Variants in ZNF454 observed in about 807,000 individuals in gnomAD.
ZNF454 encodes the protein zinc finger protein 454.
A neutral mutation model predicts 48.2 loss-of-function variants in ZNF454; 30 were observed. The ratio of observed to expected loss-of-function variants is 0.62; its 90% CI spans 0.47 to 0.84. The LOEUF (loss-of-function observed/expected upper bound fraction) is 0.84, where lower values mean the gene tolerates loss of function less well. ZNF454 is among the 40% of genes least tolerant of loss of function. The probability of loss-of-function intolerance (pLI) is 0.00; values close to 1 mark genes in which losing one functional copy is unlikely to be tolerated. For missense variants in ZNF454, 510 were observed against 623.1 expected (o/e 0.82, Z 1.93); for synonymous variants, 204 against 211.4 (o/e 0.97, Z 0.30).
At position 178,944,587 on chromosome 5, in the gene ZNF454, G is replaced by A. The variant is rs1401903008; in HGVS notation, c.33+1763G>A. Reference sequence around the variant, plus strand: ...GGCCAAGTCTCTGGGTGCAGGTAACGGAAACCTAATTCAGACTGCCTCAGG... The same window carrying A: ...GGCCAAGTCTCTGGGTGCAGGTAACAGAAACCTAATTCAGACTGCCTCAGG... On this transcript the variant is annotated intron_variant, in intron 2 of 4. Coordinates refer to ENST00000519564, the MANE Select transcript of ZNF454 (RefSeq NM_001178089.3). This position sits in a 1 kb window ranked among gnomAD's most constrained non-coding sequence, Gnocchi z 4.1. Among the ~76,000 whole-genome samples, 1 of 152,196 alleles carries A rather than the reference G, an allele frequency of 6.6e-6. No homozygotes were observed. The highest frequency in any genetic ancestry group is 1.5e-5 in the Non-Finnish European group (1 of 68,044).
chr5:178,954,075 G>A (rs1177492301), intron 4 of ZNF454, among the ~76,000 whole-genome samples: 1 of 152,050 alleles, frequency 6.6e-6, no homozygotes, highest in African/African-American at 2.4e-5. Flanking sequence ...CCTGGCTGAC[G>A]TGGCAAAACC....
chr5:178,985,566 G>C, the ZNF454 span: 2 of 339,340 alleles, frequency 5.9e-6, no homozygotes, highest in Admixed American at 4.0e-5. Flanking sequence ...AGCCGGGCGT[G>C]GTGGCGGGCG....
At chr5:178,951,860 T>C (rs1020771681) in intron 4 of ZNF454, among the ~76,000 whole-genome samples, 1 of 152,224 alleles carries the variant, frequency 6.6e-6, no homozygotes, top group Non-Finnish European at 1.5e-5. Context: ...CTCAGATTGA[T>C]CATCAAATTA....
At chr5:178,973,657 C>A in the ZNF454 span, among the ~76,000 whole-genome samples, 1 of 152,104 alleles carries the variant, frequency 6.6e-6, no homozygotes, top group African/African-American at 2.4e-5. Flanking sequence ...TCCTGGCTAA[C>A]ACGGTGAAAC....
chr5:178,984,874 C>T, the ZNF454 span, among the ~76,000 whole-genome samples: 1 of 152,162 alleles, frequency 6.6e-6, no homozygotes, highest in Non-Finnish European at 1.5e-5. Flanking sequence ...CACCCTCCAC[C>T]TGGCCCTGAG....
At chr5:178,973,840 C>A in the ZNF454 span, among the ~76,000 whole-genome samples, 2 of 67,786 alleles carry the variant, frequency 3.0e-5, no homozygotes, top group East Asian at 1.3e-3. Flanking sequence ...AAGACTTCAT[C>A]TCAAAAAAAA....
At chr5:178,986,397 C>T in the ZNF454 span, 20 of 1,613,790 alleles carry the variant, frequency 1.2e-5, no homozygotes, top group East Asian at 4.5e-5. Context: ...GCTCTCGGCC[C>T]GAGGCCCGGA....
chr5:178,964,237 C>T (rs1760076562), intron 4 of ZNF454, among the ~76,000 whole-genome samples: 2 of 151,704 alleles, frequency 1.3e-5, no homozygotes, highest in South Asian at 2.1e-4. Context: ...TCTCCTGCCT[C>T]AGCCTCCTGA....
chr5:178,947,020 A>G (rs778999065), intron 4 of ZNF454, 34 bp downstream of exon 4: 1 of 1,590,532 alleles, frequency 6.3e-7, no homozygotes, highest in South Asian at 1.1e-5. Context: ...CACCGGGAGG[A>G]GCCCTGCTGG....
At chr5:178,989,242 T>A in the ZNF454 span, 1 of 1,203,568 alleles carries the variant, frequency 8.3e-7, no homozygotes, top group Non-Finnish European at 1.1e-6. Flanking sequence ...CTCCCCACCC[T>A]CACCACCCTG....
chr5:178,950,872 T>A (rs1050576206), intron 4 of ZNF454, among the ~76,000 whole-genome samples: 3 of 151,864 alleles, frequency 2.0e-5, no homozygotes, highest in Admixed American at 1.3e-4. Flanking sequence ...TTTTTTTTTT[T>A]TTTGAGACAA....
At position 178,941,231 on chromosome 5, in the gene ZNF454, C is replaced by T. The variant is rs1759071562; in HGVS notation, c.-321C>T. On this transcript the variant is annotated 5_prime_UTR_variant, in exon 1 of 5. Coordinates refer to ENST00000519564, the MANE Select transcript of ZNF454 (RefSeq NM_001178089.3). This position sits in a 1 kb window ranked among gnomAD's most constrained non-coding sequence, Gnocchi z 5.5. ...GCTGCAGACTCCAGCTCATTGTGTT[C>T]TGACTGCGATGTGGCGCTTGCGATC... 5.2e-6 allele frequency: 2 copies of T among 386,140 alleles called. No homozygotes were observed. Among genetic ancestry groups the T allele is most frequent in the East Asian group, 1.4e-4 (2 of 13,846 alleles). The allele number at this position is 386,140 out of a possible 1,614,324, so 23.9% of individuals were successfully genotyped here.
chr5:178,989,378 G>T, the ZNF454 span: 1 of 1,613,858 alleles, frequency 6.2e-7, no homozygotes, highest in African/African-American at 1.3e-5. Context: ...GTTCTCCAGG[G>T]ATCGAGTCAT....
the ZNF454 span, chr5:178,987,130 T>C: frequency 1.2e-6 from 1 of 813,352 alleles, no homozygotes; most frequent in Non-Finnish European, 2.0e-6. Flanking sequence ...CGCAGGGAGA[T>C]CCCCCTTCAC....
At position 178,942,550 on chromosome 5, in the gene ZNF454, G is replaced by A. The variant is rs1759149138; in HGVS notation, c.-107-135G>A. On this transcript the variant is annotated intron_variant, in intron 1 of 4. Coordinates refer to ENST00000519564, the MANE Select transcript of ZNF454 (RefSeq NM_001178089.3). ...TCAATGTATAGTACCCTCAGAAGGAGGAGAGAGAATGGGGAGCAAACAGGA... is the reference window on the plus strand; with the variant it reads ...TCAATGTATAGTACCCTCAGAAGGAAGAGAGAGAATGGGGAGCAAACAGGA... 12 of 502,026 alleles carry A rather than the reference G, an allele frequency of 2.4e-5. No homozygotes were observed. The South Asian group carries it at 4.0e-4, about 17-fold the overall frequency. 31.1% of individuals were successfully genotyped at this position (502,026 alleles called of 1,614,324 possible).
At chr5:178,961,204 C>T (rs1300055038) in intron 4 of ZNF454, among the ~76,000 whole-genome samples, 2 of 151,694 alleles carry the variant, frequency 1.3e-5, no homozygotes, top group African/African-American at 2.4e-5. Flanking sequence ...GCTAGGATTA[C>T]AGGCAAGAGC....
chr5:178,985,688 G>T, the ZNF454 span: 1 of 396,040 alleles, frequency 2.5e-6, no homozygotes, highest in South Asian at 1.8e-5. Context: ...GGGCGACACA[G>T]CGAGACTCTG....
chr5:178,979,421 G>A, the ZNF454 span: 1 of 152,180 alleles, frequency 6.6e-6, no homozygotes, highest in East Asian at 1.9e-4. Flanking sequence ...ATGTCCCCCT[G>A]TACCCAGAAT....
At chr5:178,981,460 A>T in the ZNF454 span, 3 of 573,590 alleles carry the variant, frequency 5.2e-6, no homozygotes, top group Non-Finnish European at 6.2e-6. This position sits in a 1 kb window ranked among gnomAD's most constrained non-coding sequence, Gnocchi z 5.1. Flanking sequence ...GTGAGGAAGC[A>T]TGAAGCTCAC....
Sources: gnomAD v4.1 joint callset for allele counts (sites outside exome capture counted in the v4.1 genomes callset) on GRCh38, gnomAD v4.1.1 for gene constraint, Gnocchi (gnomAD v3.1) non-coding constraint, MANE v1.5 for transcripts, NCBI Gene and HGNC (gene_info 2026-07-23, HGNC 2026-07-21) for gene names.